Variants in CCDC192 observed in about 807,000 individuals in gnomAD.
The protein encoded by CCDC192 is coiled-coil domain containing 192.
intron 2 of CCDC192, among the ~76,000 whole-genome samples, chr5:127,743,437 C>T (rs751722358): frequency 1.8e-4 from 27 of 152,186 alleles, no homozygotes; most frequent in Non-Finnish European, 3.1e-4. Context: ...TCAATACATT[C>T]TTCATTTAAA....
rs1400995806 is a variant in CCDC192 at position 127,751,988 on chromosome 5, G to C, written c.115-2280G>C. 2.0e-5 allele frequency among the ~76,000 whole-genome samples: 3 copies of C among 151,894 alleles called. No individual in the cohort carries two copies. The South Asian group carries it at 6.2e-4, about 32-fold the overall frequency. The stretch of plus-strand genomic sequence containing the variant: ...CATCAGCTCCTTTAAGCACTTCTCT[G>C]TATTGGTTATTCTAGTTATACATTC... On this transcript the variant is annotated intron_variant, in intron 2 of 6. Coordinates refer to ENST00000514853, the MANE Select transcript of CCDC192 (RefSeq NM_001317938.2).
At chr5:127,885,840 T>C (rs1752541155) in intron 6 of CCDC192, among the ~76,000 whole-genome samples, 2 of 152,100 alleles carry the variant, frequency 1.3e-5, no homozygotes, top group Admixed American at 6.5e-5. Flanking sequence ...GTGTATATGG[T>C]AATTTACTAT....
At chr5:127,830,984 A>T (rs1749769588) in intron 5 of CCDC192, among the ~76,000 whole-genome samples, 1 of 152,168 alleles carries the variant, frequency 6.6e-6, no homozygotes, top group Non-Finnish European at 1.5e-5. Context: ...CTCACCTAGC[A>T]AGCTTAGTTA....
Position 127,714,972 on chromosome 5 carries a change from G to GTTT in CCDC192, c.114+7220_114+7222dup, listed in dbSNP as rs35407058. Among the ~76,000 whole-genome samples, 230 of 149,940 alleles carry GTTT rather than the reference G, an allele frequency of 1.5e-3. 1 individual carries two copies. Among genetic ancestry groups the GTTT allele is most frequent in the Middle Eastern group, 0.011 (3 of 284 alleles). On this transcript the variant is annotated intron_variant, in intron 2 of 6. Transcript: ENST00000514853. ...TGCCCATTTATAATGAAATTATTAG[G>GTTT]TTTTTTTTTTGCTATTGAGTTGTTC... is the stretch of plus-strand genomic sequence containing the variant.
rs181256979 is a variant in CCDC192, at chr5:127,806,754, C to T, written c.411+8592C>T. Among the ~76,000 whole-genome samples, 14 of 152,282 alleles carry T rather than the reference C, an allele frequency of 9.2e-5. No homozygotes were observed. The East Asian group carries it at 2.7e-3, about 29-fold the overall frequency. ...ATATAAAACTCCAGCCATTGAGGCT[C>T]ACCCAGAACTCATCCTTTACTATTA... On this transcript the variant is annotated intron_variant, in intron 5 of 6. Transcript: ENST00000514853.
At chr5:127,909,875 A>G (rs1008598576) in intron 6 of CCDC192, among the ~76,000 whole-genome samples, 5 of 152,192 alleles carry the variant, frequency 3.3e-5, no homozygotes, top group Non-Finnish European at 5.9e-5. Context: ...CCACAATCTC[A>G]ATTCATCTCT....
chr5:127,715,922 C>T (rs1751599542), intron 2 of CCDC192, among the ~76,000 whole-genome samples: 1 of 152,124 alleles, frequency 6.6e-6, no homozygotes, highest in African/African-American at 2.4e-5. Context: ...CTAGGGCTTC[C>T]AGTACTATGT....
chr5:127,730,124 G>T (rs1731294193), intron 2 of CCDC192, among the ~76,000 whole-genome samples: 1 of 151,860 alleles, frequency 6.6e-6, no homozygotes, highest in African/African-American at 2.4e-5. Flanking sequence ...TAGACCAAAA[G>T]CTAGACTAAT....
chr5:127,831,729 C>G (rs1041512014), intron 5 of CCDC192, among the ~76,000 whole-genome samples: 2 of 152,006 alleles, frequency 1.3e-5, no homozygotes, highest in Non-Finnish European at 2.9e-5. Flanking sequence ...ATTAAAAATA[C>G]ACTTGAAAGT....
chr5:127,829,463 A>G (rs755845646), intron 5 of CCDC192, among the ~76,000 whole-genome samples: 12 of 152,186 alleles, frequency 7.9e-5, no homozygotes, highest in Non-Finnish European at 1.6e-4. Context: ...ACAGCACTAT[A>G]ATTTCTAATG....
At chr5:127,939,110 C>CTTTTTTTTTTT (rs59545987) in intron 6 of CCDC192, among the ~76,000 whole-genome samples, 5 of 83,650 alleles carry the variant, frequency 6.0e-5, no homozygotes, top group Non-Finnish European at 1.1e-4. Context: ...AAACCAACAT[C>CTTTTTTTTTTT]TTTTTTTTTT....
intron 5 of CCDC192, among the ~76,000 whole-genome samples, chr5:127,853,724 G>C (rs1329517289): frequency 2.0e-5 from 3 of 152,150 alleles, no homozygotes; most frequent in African/African-American, 7.2e-5. Flanking sequence ...AGTGAGCCTA[G>C]ATCACACCAC....
At chr5:127,865,004 A>G (rs1181147590) in intron 5 of CCDC192, among the ~76,000 whole-genome samples, 1 of 152,056 alleles carries the variant, frequency 6.6e-6, no homozygotes, top group Admixed American at 6.6e-5. Context: ...AAAATTGGCC[A>G]GGCGTGGTGG....
rs187806611 is a variant in CCDC192, at chr5:127,905,352, A to G, written c.535+29691A>G. 2.4e-4 allele frequency among the ~76,000 whole-genome samples: 37 copies of G among 152,342 alleles called. No homozygotes were observed. In the East Asian group the frequency reaches 5.4e-3, roughly 22 times the overall value. On this transcript the variant is annotated intron_variant, in intron 6 of 6. Transcript: ENST00000514853. ...GCATAATAAGGAGATATGCAATTTTATATAGCACTTGGAAAAATATTGAAT... is the reference window on the plus strand; with the variant it reads ...GCATAATAAGGAGATATGCAATTTTGTATAGCACTTGGAAAAATATTGAAT...
intron 3 of CCDC192, among the ~76,000 whole-genome samples, chr5:127,763,233 A>C (rs570455783): frequency 6.6e-6 from 1 of 152,168 alleles, no homozygotes; most frequent in African/African-American, 2.4e-5. Flanking sequence ...CCAAAATTCA[A>C]CTTACCTGCT....
chr5:127,868,146 G>A (rs1054148581), intron 5 of CCDC192, among the ~76,000 whole-genome samples: 2 of 151,958 alleles, frequency 1.3e-5, no homozygotes, highest in South Asian at 2.1e-4. Flanking sequence ...TGTAAAGGGG[G>A]TTTAAGTGAA....
rs149475029 is a variant in CCDC192 at position 127,720,493 on chromosome 5, T to G, written c.114+12733T>G. On this transcript the variant is annotated intron_variant, in intron 2 of 6. Coordinates refer to ENST00000514853, the MANE Select transcript of CCDC192 (RefSeq NM_001317938.2). ...GCTGGCATTGAGTGTGCCTGCAGCT[T>G]TTCCAGGGGCACGGTGCAAGCTGTT... Among the ~76,000 whole-genome samples the G allele has an allele frequency of 7.8e-3, 1,182 of 152,290 alleles. 8 individuals carry two copies. Among genetic ancestry groups the G allele is most frequent in the Non-Finnish European group, 0.011 (782 of 68,016 alleles).
intron 6 of CCDC192, among the ~76,000 whole-genome samples, chr5:127,887,772 C>T (rs112490016): frequency 0.05 from 7,526 of 150,310 alleles, 285 homozygotes; most frequent in Middle Eastern, 0.1. Context: ...GGCACGATCT[C>T]GGCTCACTGC....
chr5:127,834,348 A>G (rs1749939108), intron 5 of CCDC192, among the ~76,000 whole-genome samples: 1 of 152,118 alleles, frequency 6.6e-6, no homozygotes, highest in African/African-American at 2.4e-5. Context: ...TGAAATTCTA[A>G]CCACTCCTTT....
Sources: allele counts gnomAD v4.1 joint callset (sites outside exome capture counted in the v4.1 genomes callset), GRCh38; gene constraint gnomAD v4.1.1; transcripts MANE v1.5; gene names NCBI Gene and HGNC (gene_info 2026-07-23, HGNC 2026-07-21).